The following MET variants were observed in gnomAD, a reference collection of about 807,000 sequenced individuals.
MET encodes hepatocyte growth factor receptor.
A neutral mutation model predicts 133.1 loss-of-function variants in MET; 48 were observed. That is an observed-to-expected ratio of 0.36 (90% confidence interval 0.29 to 0.46). MET has a LOEUF of 0.46. Among genes scored for constraint, MET ranks in the 20% least tolerant of loss-of-function variants. The pLI is 1.00. For synonymous variants in MET, 628 were observed against 616.5 expected (o/e 1.02, Z -0.28); for missense variants, 1,442 against 1,695.9 (o/e 0.85, Z 2.63).
At chr7:116,709,865 A>G (rs1270383848) in intron 2 of MET, among the ~76,000 whole-genome samples, 1 of 152,204 alleles carries the variant, frequency 6.6e-6, no homozygotes, top group Non-Finnish European at 1.5e-5. Context: ...GTTCTAAAGT[A>G]CAATAATAGA....
intron 5 of MET, among the ~76,000 whole-genome samples, chr7:116,743,481 C>T (rs1793543041): frequency 6.6e-6 from 1 of 152,246 alleles, no homozygotes; most frequent in Non-Finnish European, 1.5e-5. Flanking sequence ...GCACTGGCTT[C>T]AAATTCTCAC....
At chr7:116,773,210 G>A (rs1004574017) in intron 14 of MET, among the ~76,000 whole-genome samples, 2 of 152,166 alleles carry the variant, frequency 1.3e-5, no homozygotes, top group African/African-American at 4.8e-5. Flanking sequence ...AGGTAAAAGA[G>A]GGTCATTTAG....
chr7:116,750,120 C>T (rs1389520279), intron 5 of MET, among the ~76,000 whole-genome samples: 1 of 152,140 alleles, frequency 6.6e-6, no homozygotes, highest in Admixed American at 6.5e-5. Flanking sequence ...GCCCGCATAG[C>T]CAAGACAATC....
chr7:116,704,483 T>C (rs368864111), intron 2 of MET, among the ~76,000 whole-genome samples: 12 of 152,258 alleles, frequency 7.9e-5, no homozygotes, highest in Admixed American at 7.2e-4. Context: ...TTGTAAGGAA[T>C]ACTTGCGTAA....
chr7:116,714,308 T>C (rs1779530026), intron 2 of MET, among the ~76,000 whole-genome samples: 1 of 152,276 alleles, frequency 6.6e-6, no homozygotes, highest in Non-Finnish European at 1.5e-5. Flanking sequence ...TTATTTCATT[T>C]ATATTTAAAT....
At chr7:116,780,910 C>A (rs894714927) in intron 17 of MET, among the ~76,000 whole-genome samples, 1 of 152,212 alleles carries the variant, frequency 6.6e-6, no homozygotes, top group African/African-American at 2.4e-5. Flanking sequence ...GATGTTCTAA[C>A]ATCTTGGGCC....
chr7:116,714,747 A>ACG (rs755411892), intron 2 of MET, among the ~76,000 whole-genome samples: 2 of 135,450 alleles, frequency 1.5e-5, no homozygotes, highest in African/African-American at 2.8e-5. Context: ...ACATGCACGC[A>ACG]CACACACACA....
chr7:116,775,535 C>T (rs1031834689), intron 15 of MET, among the ~76,000 whole-genome samples: 5 of 152,070 alleles, frequency 3.3e-5, no homozygotes, highest in East Asian at 1.9e-4. Flanking sequence ...AAAACCCCGT[C>T]TCTACTAAAA....
intron 3 of MET, 43 bp from the exon 4 acceptor site, chr7:116,739,907 G>T: frequency 6.2e-7 from 1 of 1,613,576 alleles, no homozygotes; most frequent in South Asian, 1.1e-5. Context: ...TATTTAAACT[G>T]AGCTTGTTGG....
chr7:116,796,206 T>A lies in MET; in HGVS notation c.*82T>A. The A allele has an allele frequency of 7.5e-7, 1 of 1,327,668 alleles. No individual in the cohort carries two copies. The highest frequency in any genetic ancestry group is 1.1e-6 in the Non-Finnish European group (1 of 928,034). The allele number at this position is 1,327,668 out of a possible 1,614,324, so 82.2% of individuals were successfully genotyped here. A position where few individuals can be genotyped will look rare whatever the true frequency, so the allele number is the denominator to read the frequency against. ...CTGACCTTTAAAAGGCCATCGATAT[T>A]CTTTGCTCTTGCCAAAATTGCACTA... On this transcript the variant is annotated 3_prime_UTR_variant, in exon 21 of 21. Transcript: ENST00000397752.
At chr7:116,719,100 G>T (rs1792368621) in intron 2 of MET, among the ~76,000 whole-genome samples, 5 of 100,842 alleles carry the variant, frequency 5.0e-5, no homozygotes, top group African/African-American at 2.0e-4. Context: ...CTAGTTTACA[G>T]TCCCACCAAC....
intron 13 of MET, 77 bp downstream of exon 13, chr7:116,771,731 C>A (rs1180042521): frequency 5.0e-6 from 8 of 1,607,518 alleles, no homozygotes; most frequent in Non-Finnish European, 6.0e-6. Context: ...GTCGTCGATT[C>A]TTGTGTGCTG....
At position 116,796,038 on chromosome 7, in the gene MET, G is replaced by T. The variant is rs45578433; in HGVS notation, c.4087G>T (p.Ala1363Ser). 1.9e-6 allele frequency: 3 copies of T among 1,613,924 alleles called. No homozygotes were observed. The highest frequency in any genetic ancestry group is 2.5e-6 in the Non-Finnish European group (3 of 1,179,896). ...NATYVNVKCVAPYPSLLSSED... is the reference protein window; with the variant it reads ...NATYVNVKCVSPYPSLLSSED... ...TACTTATGTGAACGTAAAATGTGTC[G>T]CTCCGTATCCTTCTCTGTTGTCATC... The change falls in exon 21 of 21, where the codon GCT (alanine) becomes TCT (serine). Residue 1363 changes from alanine (A) to serine (S), a missense_variant. This residue lies in a region of MET where 94 missense variants were observed against 109.5 expected (regional missense o/e 0.86). Coordinates refer to ENST00000397752, the MANE Select transcript of MET (RefSeq NM_000245.4).
At chr7:116,713,198 A>T (rs1792063337) in intron 2 of MET, among the ~76,000 whole-genome samples, 1 of 152,160 alleles carries the variant, frequency 6.6e-6, no homozygotes, top group Non-Finnish European at 1.5e-5. Context: ...GATCGAGACC[A>T]TCCCGGCTAA....
intron 4 of MET, 176 bp downstream of exon 4, chr7:116,740,260 A>G (rs566711407): frequency 2.6e-6 from 2 of 769,004 alleles, no homozygotes; most frequent in African/African-American, 3.5e-5. Context: ...TTTGTTCTCC[A>G]AGAAAGACTA....
At chr7:116,714,470 T>G (rs1792116312) in intron 2 of MET, among the ~76,000 whole-genome samples, 1 of 152,194 alleles carries the variant, frequency 6.6e-6, no homozygotes, top group Admixed American at 6.5e-5. Context: ...CTCCAGCTGT[T>G]TAAGCCCACA....
intron 1 of MET, among the ~76,000 whole-genome samples, chr7:116,684,595 C>T (rs928708977): frequency 4.6e-5 from 7 of 152,180 alleles, no homozygotes; most frequent in Middle Eastern, 6.3e-3. Context: ...GAGAGGACAA[C>T]TTATCCATGT....
intron 1 of MET, among the ~76,000 whole-genome samples, chr7:116,692,838 C>T (rs181617254): frequency 3.3e-5 from 5 of 152,296 alleles, no homozygotes; most frequent in East Asian, 1.9e-4. Context: ...ATGTGCACAA[C>T]ATTTTAAGAG....
rs1276638458 is a variant in MET at position 116,797,339 on chromosome 7, C to T, written c.*1215C>T. 3 of 227,866 alleles carry T rather than the reference C, an allele frequency of 1.3e-5. No homozygotes were observed. Among genetic ancestry groups the T allele is most frequent in the Non-Finnish European group, 2.6e-5 (3 of 115,108 alleles). The allele number at this position is 227,866 out of a possible 1,614,324, so 14.1% of individuals were successfully genotyped here. A position where few individuals can be genotyped will look rare whatever the true frequency, so the allele number is the denominator to read the frequency against. On this transcript the variant is annotated 3_prime_UTR_variant, in exon 21 of 21. Transcript: ENST00000397752. ...AGGGTGGATGGATTGAAAAGATTAGCCTCTGTCTCGGTGGCAGGTTCCCAC... is the reference window on the plus strand; with the variant it reads ...AGGGTGGATGGATTGAAAAGATTAGTCTCTGTCTCGGTGGCAGGTTCCCAC...
Sources: gnomAD v4.1 joint callset for allele counts (sites outside exome capture counted in the v4.1 genomes callset) on GRCh38, gnomAD v4.1.1 for gene constraint, gnomAD v4.1.1 regional missense constraint, MANE v1.5 for transcripts, NCBI Gene and HGNC (gene_info 2026-07-23, HGNC 2026-07-21) for gene names.